AFTPH: variants seen among roughly 807,000 people sequenced by gnomAD.
AFTPH encodes the protein aftiphilin protein.
A neutral mutation model predicts 72.5 loss-of-function variants in AFTPH; 7 were observed. The observed-to-expected ratio is 0.10, with a 90% CI of 0.05 to 0.18. The LOEUF (loss-of-function observed/expected upper bound fraction) is 0.18. Among genes scored for constraint, AFTPH ranks in the 10% least tolerant of loss-of-function variants. The probability of loss-of-function intolerance (pLI) is 1.00; values close to 1 mark genes in which losing one functional copy is unlikely to be tolerated. For missense variants in AFTPH, 979 were observed against 1,060.5 expected, an observed-to-expected ratio of 0.92 and a Z score of 1.07; for synonymous variants, 337 against 370.1, an observed-to-expected ratio of 0.91 and a Z score of 1.03.
At chr2:64,568,816 T>G (rs1212422596) in intron 3 of AFTPH, among the ~76,000 whole-genome samples, 1 of 152,200 alleles carries the variant, frequency 6.6e-6, no homozygotes, top group Admixed American at 6.5e-5. Context: ...TTCACCATGT[T>G]GGCCAGGCTG....
intron 2 of AFTPH, among the ~76,000 whole-genome samples, chr2:64,560,008 A>G (rs1244915216): frequency 1.3e-5 from 2 of 152,164 alleles, no homozygotes; most frequent in African/African-American, 4.8e-5. Flanking sequence ...TCCGCCCCAG[A>G]ATAATGTTTG....
intron 8 of AFTPH, among the ~76,000 whole-genome samples, chr2:64,587,429 C>G (rs773160675): frequency 2.6e-5 from 4 of 152,186 alleles, no homozygotes; most frequent in Non-Finnish European, 5.9e-5. Flanking sequence ...GAGTGATTCT[C>G]AATCGTACAG....
chr2:64,543,757 A>G (rs1283984546), intron 1 of AFTPH, among the ~76,000 whole-genome samples: 3 of 152,206 alleles, frequency 2.0e-5, no homozygotes, highest in Non-Finnish European at 4.4e-5. Flanking sequence ...TAAATGGCCA[A>G]ATAGTCTCAG....
intron 8 of AFTPH, among the ~76,000 whole-genome samples, chr2:64,586,244 A>G (rs1450291218): frequency 2.0e-5 from 3 of 152,236 alleles, no homozygotes; most frequent in African/African-American, 7.2e-5. Context: ...GAACCAGGAA[A>G]TCACTAGTGC....
At chr2:64,571,689 GTTTTGT>G (rs1305920298) in intron 5 of AFTPH, among the ~76,000 whole-genome samples, 2 of 152,060 alleles carry the variant, frequency 1.3e-5, no homozygotes, top group Non-Finnish European at 2.9e-5. Context: ...CAGCTTTGAG[GTTTTGT>G]TTTTGTTTTT....
At chr2:64,544,230 C>A (rs1670425214) in intron 1 of AFTPH, among the ~76,000 whole-genome samples, 2 of 152,296 alleles carry the variant, frequency 1.3e-5, no homozygotes, top group African/African-American at 4.8e-5. Context: ...GTACAGGAAG[C>A]CCACCCAAAT....
chr2:64,570,918 C>CCG (rs1463739762), intron 5 of AFTPH, among the ~76,000 whole-genome samples: 1 of 28,736 alleles, frequency 3.5e-5, no homozygotes, highest in South Asian at 2.3e-3. Flanking sequence ...CCTCCCCTCC[C>CCG]CCCCCCCCCC....
exon 2 of AFTPH, chr2:64,552,332 T>A (rs781020750): frequency 6.2e-7 from 1 of 1,614,116 alleles, no homozygotes; most frequent in Non-Finnish European, 8.5e-7. Context: ...GAAGCTTGGA[T>A]AACAAAGGAG....
At chr2:64,585,300 G>A in intron 7 of AFTPH, 122 bp from the exon 9 acceptor site, 1 of 1,212,156 alleles carries the variant, frequency 8.2e-7, no homozygotes, top group Non-Finnish European at 1.2e-6. Flanking sequence ...GTGTTCTAAA[G>A]ATATGTTCTG....
At chr2:64,530,549 ACACT>A (rs1281125781) in intron 1 of AFTPH, among the ~76,000 whole-genome samples, 1 of 152,210 alleles carries the variant, frequency 6.6e-6, no homozygotes, top group African/African-American at 2.4e-5. Flanking sequence ...GCACAAAGTA[ACACT>A]CAATAAATAC....
chr2:64,564,797 A>AGGATG (rs904079998), intron 2 of AFTPH, among the ~76,000 whole-genome samples: 2 of 151,954 alleles, frequency 1.3e-5, no homozygotes, highest in African/African-American at 4.8e-5. Flanking sequence ...AACTCATTAC[A>AGGATG]GGATGCCCTT....
chr2:64,533,611 A>G lies in AFTPH; in HGVS notation c.-33+8999A>G, dbSNP rs145195832. ...AAGAGTGAATATTAGATTCCTGCCT[A>G]TCACCATTGTTATGAGACTTGGAAA... On this transcript the variant is annotated intron_variant, in intron 1 of 8. Transcript: ENST00000238856. 1.8e-3 allele frequency among the ~76,000 whole-genome samples: 278 copies of G among 152,268 alleles called. 1 individual carries two copies. Among genetic ancestry groups the G allele is most frequent in the African/African-American group, 6.5e-3 (269 of 41,540 alleles).
intron 3 of AFTPH, among the ~76,000 whole-genome samples, chr2:64,568,358 A>T (rs2104054410): frequency 6.6e-6 from 1 of 151,766 alleles, no homozygotes; most frequent in Non-Finnish European, 1.5e-5. Flanking sequence ...TTTTTCATTA[A>T]TGTTTCCCTA....
chr2:64,592,923 A>T (rs1328694921), exon 9 of AFTPH: 1 of 152,692 alleles, frequency 6.5e-6, no homozygotes, highest in Non-Finnish European at 1.5e-5. Context: ...TAACAAGGTT[A>T]ATGTGCATGC....
chr2:64,575,207 A>G (rs887812552), intron 6 of AFTPH, among the ~76,000 whole-genome samples: 1 of 152,182 alleles, frequency 6.6e-6, no homozygotes, highest in Non-Finnish European at 1.5e-5. Context: ...TTCACTATGG[A>G]CTTGACAAAA....
chr2:64,538,183 T>G (rs1669991644), intron 1 of AFTPH, among the ~76,000 whole-genome samples: 1 of 152,184 alleles, frequency 6.6e-6, no homozygotes, highest in African/African-American at 2.4e-5. Flanking sequence ...GGGAAAAATG[T>G]GTGAAAAATT....
exon 1 of AFTPH, chr2:64,524,454 C>T: frequency 2.5e-6 from 1 of 402,198 alleles, no homozygotes; most frequent in Non-Finnish European, 4.4e-6. Flanking sequence ...GGTGAAACTC[C>T]GGGTGGGCGT....
intron 1 of AFTPH, among the ~76,000 whole-genome samples, chr2:64,530,026 G>A (rs1447076802): frequency 2.6e-5 from 4 of 151,986 alleles, no homozygotes; most frequent in Non-Finnish European, 5.9e-5. Context: ...CATGGTGGCG[G>A]CCGCCTGTAA....
At chr2:64,585,438 G>C in exon 8 of AFTPH, 1 of 1,612,626 alleles carries the variant, frequency 6.2e-7, no homozygotes, top group Non-Finnish European at 8.5e-7. Flanking sequence ...ATCCGGAGTT[G>C]TATGAGTTAA....
Sources: gnomAD v4.1 joint callset for allele counts (sites outside exome capture counted in the v4.1 genomes callset) on GRCh38, gnomAD v4.1.1 for gene constraint, MANE v1.5 for transcripts, NCBI Gene and HGNC (gene_info 2026-07-23, HGNC 2026-07-21) for gene names.